The following TNFSF4 variants were observed in gnomAD, a reference collection of about 807,000 sequenced individuals.
TNFSF4 encodes tumor necrosis factor ligand superfamily member 4.
TNFSF4 carries 4 observed loss-of-function variants against 7.3 expected under a neutral mutation model. The observed-to-expected ratio is 0.55, with a 90% CI of 0.27 to 1.25. TNFSF4 has a LOEUF of 1.25. Ranked by LOEUF, TNFSF4 falls within the 50% of genes most tolerant of loss-of-function variation. The pLI is 0.12. For synonymous variants in TNFSF4, 76 were observed against 83.7 expected (o/e 0.91, Z 0.50); for missense variants, 181 against 208.8 (o/e 0.87, Z 0.82).
At chr1:173,269,791 T>G in the TNFSF4 span, among the ~76,000 whole-genome samples, 3 of 152,176 alleles carry the variant, frequency 2.0e-5, no homozygotes, top group South Asian at 6.2e-4. Flanking sequence ...TAACTGAAAC[T>G]ACAGAAAGTT....
chr1:173,408,493 T>A, the TNFSF4 span, among the ~76,000 whole-genome samples: 99,242 of 152,050 alleles, frequency 0.65, 33,522 homozygotes, highest in Middle Eastern at 0.77. Context: ...TAATTAAATT[T>A]AAAAAATCAC....
At chr1:173,442,549 T>TG in the TNFSF4 span, among the ~76,000 whole-genome samples, 1 of 128,580 alleles carries the variant, frequency 7.8e-6, no homozygotes, top group East Asian at 2.5e-4. Flanking sequence ...GTTTTTGTTT[T>TG]TGTTTTTTTT....
chr1:173,332,800 CAG>C, the TNFSF4 span, among the ~76,000 whole-genome samples: 1 of 151,734 alleles, frequency 6.6e-6, no homozygotes, highest in East Asian at 1.9e-4. Context: ...AAGCCAAGAT[CAG>C]GCCACTGCAC....
downstream of TNFSF4, among the ~76,000 whole-genome samples, chr1:173,180,625 T>C (rs143796613): frequency 7.2e-4 from 109 of 152,322 alleles, no homozygotes; most frequent in Admixed American, 1.6e-3. Flanking sequence ...TAACCATGCA[T>C]GCAATGAGAA....
chr1:173,316,274 T>C, the TNFSF4 span, among the ~76,000 whole-genome samples: 1 of 152,160 alleles, frequency 6.6e-6, no homozygotes, highest in Non-Finnish European at 1.5e-5. Flanking sequence ...CATCTGACTG[T>C]AGATATATAT....
At chr1:173,397,676 C>A in the TNFSF4 span, among the ~76,000 whole-genome samples, 1 of 152,266 alleles carries the variant, frequency 6.6e-6, no homozygotes, top group South Asian at 2.1e-4. Context: ...GGTTCACTGA[C>A]TTGTGAAGTG....
chr1:173,345,096 TA>T, the TNFSF4 span, among the ~76,000 whole-genome samples: 2 of 152,204 alleles, frequency 1.3e-5, no homozygotes, highest in Admixed American at 6.5e-5. Context: ...ATCGAAAAAC[TA>T]GGCAGAGGTA....
chr1:173,222,859 AG>A, the TNFSF4 span, among the ~76,000 whole-genome samples: 1 of 152,226 alleles, frequency 6.6e-6, no homozygotes, highest in African/African-American at 2.4e-5. Flanking sequence ...TGAGACATGT[AG>A]AAATGAATCA....
At chr1:173,356,092 A>G in the TNFSF4 span, among the ~76,000 whole-genome samples, 13 of 152,228 alleles carry the variant, frequency 8.5e-5, no homozygotes. Flanking sequence ...AAATAATTTC[A>G]GATATTGACA....
At chr1:173,353,053 C>T in the TNFSF4 span, among the ~76,000 whole-genome samples, 1 of 152,170 alleles carries the variant, frequency 6.6e-6, no homozygotes, top group African/African-American at 2.4e-5. Flanking sequence ...CTCAACATCG[C>T]TGTTATCCTG....
chr1:173,323,591 T>C, the TNFSF4 span, among the ~76,000 whole-genome samples: 21 of 152,002 alleles, frequency 1.4e-4, no homozygotes, highest in African/African-American at 4.4e-4. Context: ...TTCGAACCAA[T>C]GGCAAAGAAG....
the TNFSF4 span, among the ~76,000 whole-genome samples, chr1:173,243,411 G>A: frequency 2.6e-5 from 4 of 151,976 alleles, no homozygotes; most frequent in African/African-American, 9.7e-5. Flanking sequence ...GAACTCCTTG[G>A]GCAAGTGGAT....
the TNFSF4 span, among the ~76,000 whole-genome samples, chr1:173,411,293 A>G: frequency 6.6e-6 from 1 of 152,200 alleles, no homozygotes; most frequent in Non-Finnish European, 1.5e-5. Flanking sequence ...GGACAGTTCA[A>G]TCCAGGAGAC....
At chr1:173,407,345 G>A in the TNFSF4 span, among the ~76,000 whole-genome samples, 2 of 151,894 alleles carry the variant, frequency 1.3e-5, no homozygotes, top group East Asian at 3.9e-4. Context: ...AGGCCAAGGT[G>A]GGCAAATCAC....
the TNFSF4 span, among the ~76,000 whole-genome samples, chr1:173,439,577 AC>A: frequency 6.6e-5 from 10 of 152,320 alleles, no homozygotes; most frequent in East Asian, 1.7e-3. Flanking sequence ...GCTATCCCTC[AC>A]AGAAGTCAGG....
the TNFSF4 span, among the ~76,000 whole-genome samples, chr1:173,402,104 G>A: frequency 6.6e-6 from 1 of 152,062 alleles, no homozygotes. Flanking sequence ...TTTATGCTCA[G>A]AAACTTTCTA....
the TNFSF4 span, among the ~76,000 whole-genome samples, chr1:173,379,255 TG>T: frequency 6.6e-6 from 1 of 152,136 alleles, no homozygotes; most frequent in Non-Finnish European, 1.5e-5. Context: ...GGATCCCCAC[TG>T]GGACCTCAAC....
At chr1:173,208,967 A>G (rs546987941), upstream of TNFSF4, among the ~76,000 whole-genome samples, 14 of 152,338 alleles carry the variant, frequency 9.2e-5, 1 homozygote, top group East Asian at 2.7e-3. Flanking sequence ...AAAGAATGAA[A>G]AAAATAAACA....
At chr1:173,349,116 C>T in the TNFSF4 span, among the ~76,000 whole-genome samples, 2 of 152,112 alleles carry the variant, frequency 1.3e-5, no homozygotes, top group African/African-American at 4.8e-5. Flanking sequence ...GCAAGCTCCG[C>T]CCCCCGGGTT....
Sources: allele counts gnomAD v4.1 joint callset (sites outside exome capture counted in the v4.1 genomes callset), GRCh38; gene constraint gnomAD v4.1.1; transcripts MANE v1.5; gene names NCBI Gene and HGNC (gene_info 2026-07-23, HGNC 2026-07-21).